Variants in SLC24A3 observed in about 807,000 individuals in gnomAD.
SLC24A3 encodes sodium/potassium/calcium exchanger 3.
SLC24A3 carries 28 observed loss-of-function variants against 75.8 expected under a neutral mutation model. The observed-to-expected ratio is 0.37, with a 90% CI of 0.27 to 0.51. The LOEUF is 0.51. Among genes scored for constraint, SLC24A3 ranks in the 20% least tolerant of loss-of-function variants. The pLI is 0.94. For missense variants in SLC24A3, 663 were observed against 847.8 expected (o/e 0.78, Z 2.71); for synonymous variants, 372 against 334.1 (o/e 1.11, Z -1.24).
chr20:19,364,053 A>G (rs760100364), intron 2 of SLC24A3, among the ~76,000 whole-genome samples: 1 of 152,162 alleles, frequency 6.6e-6, no homozygotes, highest in Non-Finnish European at 1.5e-5. Context: ...CAGCAGGAAC[A>G]TGGGCTCCTG....
intron 2 of SLC24A3, among the ~76,000 whole-genome samples, chr20:19,440,028 C>G (rs549217738): frequency 6.6e-6 from 1 of 152,274 alleles, no homozygotes; most frequent in South Asian, 2.1e-4. Flanking sequence ...TTCACTTTTT[C>G]AAATATGGGA....
intron 3 of SLC24A3, among the ~76,000 whole-genome samples, chr20:19,570,917 T>C (rs563109660): frequency 2.0e-5 from 3 of 152,256 alleles, no homozygotes; most frequent in East Asian, 3.9e-4. Context: ...GAGGGGCTTA[T>C]GGACCCCAGG....
At chr20:19,508,117 G>A (rs145989049) in intron 2 of SLC24A3, among the ~76,000 whole-genome samples, 1 of 152,320 alleles carries the variant, frequency 6.6e-6, no homozygotes, top group African/African-American at 2.4e-5. Context: ...GAGAAGCGGA[G>A]GAGGTACCGC....
chr20:19,614,818 A>G (rs549171346), intron 6 of SLC24A3, among the ~76,000 whole-genome samples: 1 of 152,306 alleles, frequency 6.6e-6, no homozygotes, highest in East Asian at 1.9e-4. Flanking sequence ...GAACACTAAG[A>G]CTGGTAATCA....
intron 10 of SLC24A3, 80 bp from the exon 11 acceptor site, chr20:19,684,096 A>G: frequency 6.7e-7 from 1 of 1,482,228 alleles, no homozygotes; most frequent in East Asian, 2.3e-5. Flanking sequence ...AGAGAAAAGA[A>G]GGGAAGGAAG....
chr20:19,222,365 G>A (rs1467617340), intron 1 of SLC24A3, among the ~76,000 whole-genome samples: 1 of 152,152 alleles, frequency 6.6e-6, no homozygotes, highest in Non-Finnish European at 1.5e-5. Flanking sequence ...TATTTAGGTG[G>A]TGCTGTGGAA....
chr20:19,357,288 G>C (rs536647175), intron 2 of SLC24A3, among the ~76,000 whole-genome samples: 1 of 152,134 alleles, frequency 6.6e-6, no homozygotes, highest in Non-Finnish European at 1.5e-5. Context: ...TGACACCTTC[G>C]GTTTGGACTT....
At chr20:19,715,539 C>G (rs111632205) in intron 15 of SLC24A3, among the ~76,000 whole-genome samples, 1 of 152,266 alleles carries the variant, frequency 6.6e-6, no homozygotes, top group South Asian at 2.1e-4. Context: ...TTGCAAGTCA[C>G]GAGAGAAAGA....
chr20:19,452,950 G>A (rs766200350), intron 2 of SLC24A3, among the ~76,000 whole-genome samples: 8 of 152,170 alleles, frequency 5.3e-5, no homozygotes, highest in Non-Finnish European at 1.5e-5. Context: ...TTGGGAGGCC[G>A]AGGTGGGTGG....
chr20:19,380,433 C>T (rs956941520), intron 2 of SLC24A3, among the ~76,000 whole-genome samples: 1 of 152,080 alleles, frequency 6.6e-6, no homozygotes, highest in Non-Finnish European at 1.5e-5. Context: ...TGCTGCAGTG[C>T]TTTAATAAGG....
At chr20:19,332,383 C>G (rs1480157522) in intron 2 of SLC24A3, among the ~76,000 whole-genome samples, 2 of 152,122 alleles carry the variant, frequency 1.3e-5, no homozygotes, top group African/African-American at 4.8e-5. Context: ...AGCCCTCACC[C>G]TCATGGGGTT....
Position 19,696,787 on chromosome 20 carries a change from C to T in SLC24A3, c.1492-10C>T, listed in dbSNP as rs753257770. ...ACCCTCAGCTGACCACCTCTTCCTGCTCCTTCTAGGTCACAATCATTGGTT... is the reference window on the plus strand; with the variant it reads ...ACCCTCAGCTGACCACCTCTTCCTGTTCCTTCTAGGTCACAATCATTGGTT... On this transcript the variant is annotated splice_polypyrimidine_tract_variant and intron_variant, in intron 13 of 16. Coordinates refer to ENST00000328041, the MANE Select transcript of SLC24A3 (RefSeq NM_020689.4). 1.1e-5 allele frequency: 18 copies of T among 1,605,580 alleles called. No homozygotes were observed. The South Asian group carries it at 1.4e-4, about 13-fold the overall frequency.
At chr20:19,332,872 T>A (rs986536721) in intron 2 of SLC24A3, among the ~76,000 whole-genome samples, 2 of 152,190 alleles carry the variant, frequency 1.3e-5, no homozygotes, top group Non-Finnish European at 2.9e-5. Context: ...CCACCCTCAT[T>A]GAGAATTTGG....
chr20:19,541,345 G>A lies in SLC24A3; in HGVS notation c.348+25781G>A, dbSNP rs1003451737. On this transcript the variant is annotated intron_variant, in intron 3 of 16. Transcript: ENST00000328041. ...CCATTCACTGTTATCTGCCTGTCCC[G>A]GAAGCCTGGCTTCCTTCTCTTCTCT... 6.6e-5 allele frequency among the ~76,000 whole-genome samples: 10 copies of A among 152,220 alleles called. No homozygotes were observed. In the South Asian group the frequency reaches 1.0e-3, roughly 16 times the overall value.
At chr20:19,642,838 T>G (rs2032092045) in intron 6 of SLC24A3, among the ~76,000 whole-genome samples, 1 of 152,246 alleles carries the variant, frequency 6.6e-6, no homozygotes, top group Non-Finnish European at 1.5e-5. Flanking sequence ...TTCTCTCAGC[T>G]CTCTTCTTTA....
Position 19,336,398 on chromosome 20 carries a change from T to C in SLC24A3, c.271+55311T>C, listed in dbSNP as rs373751821. Among the ~76,000 whole-genome samples the C allele has an allele frequency of 3.3e-5, 5 of 149,828 alleles. No individual in the cohort carries two copies. In the South Asian group the frequency reaches 1.1e-3, roughly 32 times the overall value. On this transcript the variant is annotated intron_variant, in intron 2 of 16. Transcript: ENST00000328041. Reference sequence around the variant, plus strand: ...ACTCCTGCCCTGGGCATTTTTTATTTATTTATTTATTTTTTTGAGACGGAG... The same window carrying C: ...ACTCCTGCCCTGGGCATTTTTTATTCATTTATTTATTTTTTTGAGACGGAG...
intron 2 of SLC24A3, among the ~76,000 whole-genome samples, chr20:19,346,345 G>GTATA (rs199579244): frequency 6.5e-5 from 3 of 45,914 alleles, no homozygotes; most frequent in Non-Finnish European, 8.4e-5. Context: ...TATATATATG[G>GTATA]TATATATATG....
At chr20:19,565,618 T>G (rs2030944795) in intron 3 of SLC24A3, among the ~76,000 whole-genome samples, 1 of 152,170 alleles carries the variant, frequency 6.6e-6, no homozygotes, top group Non-Finnish European at 1.5e-5. Flanking sequence ...TGGACTCTTA[T>G]CTGAGGGTCT....
At chr20:19,526,338 A>G (rs1436463693) in intron 3 of SLC24A3, among the ~76,000 whole-genome samples, 3 of 152,136 alleles carry the variant, frequency 2.0e-5, no homozygotes, top group African/African-American at 7.2e-5. Context: ...GACCCCTAAT[A>G]TTCTGGGCCT....
Sources: allele counts gnomAD v4.1 joint callset (sites outside exome capture counted in the v4.1 genomes callset), GRCh38; gene constraint gnomAD v4.1.1; transcripts MANE v1.5; gene names NCBI Gene and HGNC (gene_info 2026-07-23, HGNC 2026-07-21).